PCDHA3: variants seen among roughly 807,000 people sequenced by gnomAD.
PCDHA3 encodes the protein protocadherin alpha-3.
A neutral mutation model predicts 62.2 loss-of-function variants in PCDHA3; 41 were observed. The observed-to-expected ratio is 0.66, with a 90% CI of 0.51 to 0.86. PCDHA3 has a LOEUF of 0.86. Among genes scored for constraint, PCDHA3 ranks in the 40% least tolerant of loss-of-function variants. The probability of loss-of-function intolerance (pLI) is 0.00; values close to 1 mark genes in which losing one functional copy is unlikely to be tolerated. For synonymous variants in PCDHA3, 640 were observed against 555.4 expected, an observed-to-expected ratio of 1.15 and a Z score of -2.14; for missense variants, 1,304 against 1,241.2, an observed-to-expected ratio of 1.05 and a Z score of -0.76.
At chr5:140,841,155 C>A in intron 1 of PCDHA3, 1 of 842,000 alleles carries the variant, frequency 1.2e-6, no homozygotes, top group Non-Finnish European at 1.8e-6. Flanking sequence ...TCGCTGTCTA[C>A]CAAGAAGTTC....
At position 140,806,952 on chromosome 5, in the gene PCDHA3, G is replaced by T. The variant is rs1229018941; in HGVS notation, c.2394+3361G>T. Reference sequence around the variant, plus strand: ...AAGTAGTTTACAGTAGAGTGTGTGGGGGTTTCCACAATTGCTACTTACGGT... The same window carrying T: ...AAGTAGTTTACAGTAGAGTGTGTGGTGGTTTCCACAATTGCTACTTACGGT... On this transcript the variant is annotated intron_variant, in intron 1 of 3. Coordinates refer to ENST00000522353, the MANE Select transcript of PCDHA3 (RefSeq NM_018906.3). 9 of 588,900 alleles carry T rather than the reference G, an allele frequency of 1.5e-5. No homozygotes were observed. The East Asian group carries it at 2.3e-4, about 15-fold the overall frequency. The allele number at this position is 588,900 out of a possible 1,614,324, so 36.5% of individuals were successfully genotyped here.
chr5:140,855,900 C>G, intron 1 of PCDHA3: 1 of 1,079,358 alleles, frequency 9.3e-7, no homozygotes, highest in Non-Finnish European at 1.3e-6. Flanking sequence ...AGGCATCAGC[C>G]AGTTTCTCAA....
chr5:140,958,116 T>G (rs2095410051), intron 1 of PCDHA3, among the ~76,000 whole-genome samples: 1 of 152,060 alleles, frequency 6.6e-6, no homozygotes, highest in African/African-American at 2.4e-5. Context: ...TGGTTCCATT[T>G]TGTAAAATGT....
In PCDHA3 at chr5:140,979,019, C is replaced by T; in HGVS notation, c.2453+12C>T. On this transcript the variant is annotated intron_variant, in intron 2 of 3. Coordinates refer to ENST00000522353, the MANE Select transcript of PCDHA3 (RefSeq NM_018906.3). ...GCAGGCATGCACAGGTATGTATTTC[C>T]CTCCTCATTCACTCAGAAGTAACCT... 1 of 1,613,662 alleles carries T rather than the reference C, an allele frequency of 6.2e-7. No individual in the cohort carries two copies. Among genetic ancestry groups the T allele is most frequent in the South Asian group, 1.1e-5 (1 of 90,910 alleles).
chr5:140,807,352 G>T (rs11167605), intron 1 of PCDHA3: 581,450 of 1,607,716 alleles, frequency 0.36, 110,207 homozygotes, highest in East Asian at 0.49. Flanking sequence ...TGGGACTGGA[G>T]CTGGCGGAGC....
intron 1 of PCDHA3, among the ~76,000 whole-genome samples, chr5:140,917,830 G>A (rs2078377355): frequency 6.6e-6 from 1 of 151,722 alleles, no homozygotes; most frequent in Admixed American, 6.6e-5. Flanking sequence ...GTAGTGTGAT[G>A]TCCTTCTTGT....
chr5:140,829,595 C>G (rs147522996), intron 1 of PCDHA3: 3 of 1,611,886 alleles, frequency 1.9e-6, no homozygotes, highest in Non-Finnish European at 2.5e-6. Flanking sequence ...GGTGGGCGAG[C>G]GCGCGTTGTC....
At chr5:140,820,842 T>G in intron 1 of PCDHA3, among the ~76,000 whole-genome samples, 1 of 152,168 alleles carries the variant, frequency 6.6e-6, no homozygotes, top group African/African-American at 2.4e-5. Flanking sequence ...AATAGCAACT[T>G]GAAGAAATGC....
At chr5:140,944,226 C>T (rs988249626) in intron 1 of PCDHA3, among the ~76,000 whole-genome samples, 3 of 152,126 alleles carry the variant, frequency 2.0e-5, no homozygotes, top group Admixed American at 2.0e-4. Flanking sequence ...TTTACTCTGT[C>T]GCTCAGGCTG....
chr5:140,970,927 G>A (rs1481513155), intron 1 of PCDHA3, among the ~76,000 whole-genome samples: 2 of 152,150 alleles, frequency 1.3e-5, no homozygotes, highest in African/African-American at 4.8e-5. Flanking sequence ...GAAGTGCCTG[G>A]TGTTAGTCAA....
chr5:140,937,653 C>G (rs930742748), intron 1 of PCDHA3, among the ~76,000 whole-genome samples: 1 of 151,298 alleles, frequency 6.6e-6, no homozygotes, highest in Non-Finnish European at 1.5e-5. Context: ...TGGCTCACGC[C>G]TGTAATCCCA....
At chr5:140,803,650 C>G (rs1262612069) in intron 1 of PCDHA3, 59 bp downstream of exon 1, 2 of 1,611,864 alleles carry the variant, frequency 1.2e-6, no homozygotes, top group Non-Finnish European at 1.7e-6. Flanking sequence ...CTCAATGTTT[C>G]CACTCCTCTG....
intron 1 of PCDHA3, among the ~76,000 whole-genome samples, chr5:140,888,256 C>A (rs1454353322): frequency 6.6e-6 from 1 of 151,942 alleles, no homozygotes; most frequent in African/African-American, 2.4e-5. Context: ...AGCAGTAGTT[C>A]TTGATAAGAA....
intron 1 of PCDHA3, chr5:140,865,282 T>G (rs2048808966): frequency 6.6e-6 from 1 of 152,240 alleles, no homozygotes; most frequent in Non-Finnish European, 1.5e-5. Flanking sequence ...GTAAAATTAC[T>G]TTGCTCTTTT....
chr5:140,985,606 C>A (rs1008038466), intron 3 of PCDHA3, among the ~76,000 whole-genome samples: 1 of 152,300 alleles, frequency 6.6e-6, no homozygotes, highest in South Asian at 2.1e-4. Context: ...AGAGCCCTTT[C>A]CGTGAACCAG....
At chr5:140,912,178 G>A (rs2153520957) in intron 1 of PCDHA3, among the ~76,000 whole-genome samples, 1 of 152,266 alleles carries the variant, frequency 6.6e-6, no homozygotes, top group South Asian at 2.1e-4. Flanking sequence ...GCTGGCAGCT[G>A]ATTAGATTGT....
intron 1 of PCDHA3, chr5:140,804,332 T>C (rs1562197442): frequency 6.6e-6 from 1 of 152,084 alleles, no homozygotes; most frequent in African/African-American, 2.4e-5. Flanking sequence ...TTAATAATAC[T>C]ACTGTATTAT....
At chr5:140,919,658 T>G (rs1271844986) in intron 1 of PCDHA3, among the ~76,000 whole-genome samples, 1 of 152,230 alleles carries the variant, frequency 6.6e-6, no homozygotes, top group South Asian at 2.1e-4. Context: ...GTTTACCATA[T>G]ATATTTTAGC....
At chr5:140,884,112 C>T (rs2153400405) in intron 1 of PCDHA3, 1 of 1,613,306 alleles carries the variant, frequency 6.2e-7, no homozygotes. Flanking sequence ...CAGCTGGCGG[C>T]GGTCGGCGCG....
Sources: allele counts gnomAD v4.1 joint callset (sites outside exome capture counted in the v4.1 genomes callset), GRCh38; gene constraint gnomAD v4.1.1; transcripts MANE v1.5; gene names NCBI Gene and HGNC (gene_info 2026-07-23, HGNC 2026-07-21).